Variants in NPAS3 observed in about 807,000 individuals in gnomAD.
NPAS3 encodes the protein neuronal PAS domain-containing protein 3.
NPAS3 carries 14 observed loss-of-function variants against 73.1 expected under a neutral mutation model. That is an observed-to-expected ratio of 0.19 (90% CI 0.13 to 0.30). The LOEUF is 0.30. NPAS3 is among the 10% of genes least tolerant of loss of function. The probability of loss-of-function intolerance (pLI) is 1.00; values close to 1 mark genes in which losing one functional copy is unlikely to be tolerated. For synonymous variants in NPAS3, 620 were observed against 541.5 expected (o/e 1.14, Z -2.01); for missense variants, 1,096 against 1,250.0 (o/e 0.88, Z 1.86).
intron 11 of NPAS3, among the ~76,000 whole-genome samples, chr14:33,798,717 A>G (rs115258525): frequency 1.3e-5 from 2 of 152,228 alleles, no homozygotes; most frequent in African/African-American, 4.8e-5. Flanking sequence ...TGACAAAGAC[A>G]TAAAAAGTTC....
intron 2 of NPAS3, among the ~76,000 whole-genome samples, chr14:33,119,289 C>T (rs1566579573): frequency 6.6e-6 from 1 of 151,930 alleles, no homozygotes; most frequent in Non-Finnish European, 1.5e-5. Context: ...TTTTTTTCCA[C>T]TGCCGTTATT....
chr14:33,417,061 C>A (rs1338372911), intron 4 of NPAS3, among the ~76,000 whole-genome samples: 1 of 151,924 alleles, frequency 6.6e-6, no homozygotes, highest in African/African-American at 2.4e-5. Context: ...GTACTTGATA[C>A]TTTCAGGAAA....
chr14:33,515,583 G>C (rs184316097), intron 4 of NPAS3, among the ~76,000 whole-genome samples: 3 of 152,144 alleles, frequency 2.0e-5, no homozygotes, highest in Admixed American at 2.0e-4. Context: ...TGTGAAGCTG[G>C]ACAGAGCATA....
chr14:33,058,660 T>G (rs2040978665), intron 2 of NPAS3, among the ~76,000 whole-genome samples: 1 of 152,230 alleles, frequency 6.6e-6, no homozygotes, highest in Non-Finnish European at 1.5e-5. Flanking sequence ...CAGAAAATTT[T>G]ATTGTATTGC....
chr14:33,735,654 C>T (rs562024253), intron 7 of NPAS3, among the ~76,000 whole-genome samples: 2 of 152,232 alleles, frequency 1.3e-5, no homozygotes, highest in East Asian at 1.9e-4. Flanking sequence ...GTCCTCAAGA[C>T]GAGTGCTCTA....
intron 4 of NPAS3, among the ~76,000 whole-genome samples, chr14:33,408,390 A>G (rs1310759290): frequency 6.6e-6 from 1 of 151,906 alleles, no homozygotes; most frequent in Non-Finnish European, 1.5e-5. Context: ...ATAACCTCAC[A>G]TTTGTTCTCT....
At chr14:33,531,892 G>A (rs558070656) in intron 4 of NPAS3, among the ~76,000 whole-genome samples, 4 of 151,992 alleles carry the variant, frequency 2.6e-5, no homozygotes, top group Non-Finnish European at 4.4e-5. Flanking sequence ...GTATCTCATC[G>A]TGACTTTAAT....
chr14:33,131,143 T>C (rs1194903498), intron 2 of NPAS3, among the ~76,000 whole-genome samples: 1 of 152,104 alleles, frequency 6.6e-6, no homozygotes, highest in Non-Finnish European at 1.5e-5. Context: ...TGTGGGAGTT[T>C]ACAGAGTAAG....
intron 9 of NPAS3, among the ~76,000 whole-genome samples, chr14:33,783,004 C>T (rs981552727): frequency 3.3e-5 from 5 of 152,162 alleles, no homozygotes; most frequent in African/African-American, 9.7e-5. Flanking sequence ...CTGCTTAATG[C>T]GGGACTAATT....
intron 10 of NPAS3, among the ~76,000 whole-genome samples, chr14:33,796,860 C>T (rs1236641810): frequency 6.6e-6 from 1 of 152,174 alleles, no homozygotes; most frequent in African/African-American, 2.4e-5. Flanking sequence ...AGCTAACAAG[C>T]CACAGGTGTA....
chr14:33,780,539 G>A, intron 9 of NPAS3: 1 of 427,990 alleles, frequency 2.3e-6, no homozygotes, highest in East Asian at 7.0e-5. Context: ...TCAGAAACCT[G>A]AGGCTGACAA....
rs3058422 is a variant in NPAS3, at chr14:33,498,935, A to AGTGTGTGT, written c.469-61138_469-61131dup. ...GAATGAGAGAGAGAGACAGAGAGAG[A>AGTGTGTGT]GTGTGTGTGTGTGTGTGTGTGTGTG... On this transcript the variant is annotated intron_variant, in intron 4 of 11. Transcript: ENST00000356141. 4.8e-3 allele frequency among the ~76,000 whole-genome samples: 454 copies of AGTGTGTGT among 94,916 alleles called. 2 individuals carry two copies. Among genetic ancestry groups the AGTGTGTGT allele is most frequent in the South Asian group, 0.012 (28 of 2,316 alleles). The allele number at this position is 94,916 out of a possible 152,430, so 62.3% of individuals were successfully genotyped here.
chr14:33,096,867 C>G (rs146348257), intron 2 of NPAS3, among the ~76,000 whole-genome samples: 403 of 152,296 alleles, frequency 2.6e-3, no homozygotes, highest in Non-Finnish European at 4.6e-3. Context: ...GTTTGATTCA[C>G]TACTTGGTAA....
At chr14:33,419,854 A>G (rs1848836679) in intron 4 of NPAS3, among the ~76,000 whole-genome samples, 1 of 151,960 alleles carries the variant, frequency 6.6e-6, no homozygotes, top group Non-Finnish European at 1.5e-5. Context: ...AAGTAGGTAA[A>G]GTGAGATTGC....
intron 2 of NPAS3, among the ~76,000 whole-genome samples, chr14:33,207,234 TACAC>T (rs760045327): frequency 1.2e-3 from 107 of 88,418 alleles, no homozygotes; most frequent in African/African-American, 3.6e-3. Context: ...CAAAGAACAT[TACAC>T]ACACACACAC....
At chr14:33,537,987 G>C (rs1213842662) in intron 4 of NPAS3, among the ~76,000 whole-genome samples, 1 of 152,176 alleles carries the variant, frequency 6.6e-6, no homozygotes, top group African/African-American at 2.4e-5. Context: ...CAGAGCTTTA[G>C]TCTTCCCTGC....
intron 2 of NPAS3, among the ~76,000 whole-genome samples, chr14:33,145,693 CTG>C (rs1028179305): frequency 3.3e-5 from 5 of 152,130 alleles, no homozygotes; most frequent in African/African-American, 1.2e-4. Context: ...TTGCTATGTA[CTG>C]TGTCCTTTTT....
intron 1 of NPAS3, among the ~76,000 whole-genome samples, chr14:33,006,488 G>A (rs1362166964): frequency 2.0e-5 from 3 of 152,176 alleles, no homozygotes; most frequent in Admixed American, 6.5e-5. Flanking sequence ...TTTTTGGTGA[G>A]TAATTGGCAG....
intron 8 of NPAS3, among the ~76,000 whole-genome samples, chr14:33,775,042 A>G (rs1209363545): frequency 6.6e-6 from 1 of 152,174 alleles, no homozygotes; most frequent in Non-Finnish European, 1.5e-5. Context: ...CACTTTTATA[A>G]ATTAAAAAAA....
Sources: gnomAD v4.1 joint callset for allele counts (sites outside exome capture counted in the v4.1 genomes callset) on GRCh38, gnomAD v4.1.1 for gene constraint, MANE v1.5 for transcripts, NCBI Gene and HGNC (gene_info 2026-07-23, HGNC 2026-07-21) for gene names.